AP3B1: variants seen among roughly 807,000 people sequenced by gnomAD.
The protein encoded by AP3B1 is adaptor related protein complex 3 subunit beta 1, also known as AP-3 complex subunit beta-1.
AP3B1 carries 61 observed loss-of-function variants against 132.5 expected under a neutral mutation model. The observed-to-expected ratio is 0.46, with a 90% CI of 0.37 to 0.57. AP3B1 has a LOEUF of 0.57. Ranked by LOEUF, AP3B1 falls within the 20% of genes least tolerant of loss-of-function variation. AP3B1 has a pLI of 0.00. For missense variants in AP3B1, 1,120 were observed against 1,289.4 expected, an observed-to-expected ratio of 0.87 and a Z score of 2.01; for synonymous variants, 388 against 438.3, an observed-to-expected ratio of 0.89 and a Z score of 1.43.
intron 1 of AP3B1, among the ~76,000 whole-genome samples, chr5:78,279,995 AC>A (rs1748982411): frequency 6.9e-6 from 1 of 145,572 alleles, no homozygotes; most frequent in African/African-American, 2.5e-5. Flanking sequence ...GGAGGATCAG[AC>A]CAGGAGGTTG....
At position 78,193,770 on chromosome 5, in the gene AP3B1, A is replaced by ATATTTT; in HGVS notation, c.787-12109_787-12108insAAAATA. Among the ~76,000 whole-genome samples, 267 of 67,162 alleles carry ATATTTT rather than the reference A, an allele frequency of 4.0e-3. 2 individuals are homozygous for ATATTTT. Among genetic ancestry groups the ATATTTT allele is most frequent in the African/African-American group, 0.013 (251 of 19,168 alleles). The allele number at this position is 67,162 out of a possible 152,430, so 44.1% of individuals were successfully genotyped here. The stretch of plus-strand genomic sequence containing the variant: ...TATATATATATATATATATATATAT[A>ATATTTT]TTTTTTTTTTAGACAGAGTCTCGCT... On this transcript the variant is annotated intron_variant, in intron 7 of 26. Coordinates refer to ENST00000255194, the MANE Select transcript of AP3B1 (RefSeq NM_003664.5).
intron 17 of AP3B1, among the ~76,000 whole-genome samples, chr5:78,116,639 A>G (rs1751844200): frequency 6.6e-6 from 1 of 152,110 alleles, no homozygotes; most frequent in Non-Finnish European, 1.5e-5. Flanking sequence ...AGAAAAGAAA[A>G]TATTTAGTGT....
chr5:78,218,809 T>C (rs1367758487), intron 6 of AP3B1, among the ~76,000 whole-genome samples: 1 of 152,106 alleles, frequency 6.6e-6, no homozygotes, highest in Admixed American at 6.6e-5. Context: ...AGTTGGCCAA[T>C]GCTGCCAAGA....
intron 12 of AP3B1, among the ~76,000 whole-genome samples, chr5:78,164,348 T>C (rs1234625379): frequency 6.6e-6 from 1 of 152,070 alleles, no homozygotes; most frequent in African/African-American, 2.4e-5. Context: ...TGATATTAAA[T>C]GAAAAGACTA....
At chr5:78,279,908 A>ATATATATATATGACTTAAATATC (rs1748976939) in intron 1 of AP3B1, among the ~76,000 whole-genome samples, 1 of 30,726 alleles carries the variant, frequency 3.3e-5, no homozygotes. Flanking sequence ...TATGACTTAA[A>ATATATATATATGACTTAAATATC]TATATATATA....
downstream of AP3B1, chr5:78,001,519 G>T (rs770989118): frequency 6.6e-6 from 1 of 152,138 alleles, no homozygotes. Context: ...TTCTCTTCCC[G>T]GAGATTCAGG....
intron 14 of AP3B1, among the ~76,000 whole-genome samples, chr5:78,145,989 C>G (rs1052599758): frequency 1.3e-5 from 2 of 152,122 alleles, no homozygotes; most frequent in Non-Finnish European, 2.9e-5. Context: ...ACTGGCTTTT[C>G]CTAAAATTGC....
chr5:78,125,418 C>T (rs1459268221), intron 17 of AP3B1, among the ~76,000 whole-genome samples: 1 of 151,932 alleles, frequency 6.6e-6, no homozygotes, highest in African/African-American at 2.4e-5. Flanking sequence ...AGGACTTGAC[C>T]ATGTAAGATC....
intron 11 of AP3B1, among the ~76,000 whole-genome samples, chr5:78,174,231 T>C (rs142639324): frequency 1.3e-5 from 2 of 152,330 alleles, no homozygotes; most frequent in African/African-American, 4.8e-5. Flanking sequence ...CTGTTGCTGG[T>C]GAGGAGCTGC....
At chr5:78,164,756 T>C (rs1447618616) in intron 12 of AP3B1, among the ~76,000 whole-genome samples, 1 of 152,166 alleles carries the variant, frequency 6.6e-6, no homozygotes, top group Non-Finnish European at 1.5e-5. Flanking sequence ...TATTCTACTA[T>C]TCCTGTAAAA....
Position 78,246,819 on chromosome 5 carries a change from T to C in AP3B1, c.205-5883A>G, listed in dbSNP as rs146394262. On this transcript the variant is annotated intron_variant, in intron 2 of 26. Coordinates refer to ENST00000255194, the MANE Select transcript of AP3B1 (RefSeq NM_003664.5). ...TACTGTTTTTCTCTACTCAATTTCA[T>C]TGATTTCTACTCTACCTTATTATTT... Among the ~76,000 whole-genome samples, 483 of 152,332 alleles carry C rather than the reference T, an allele frequency of 3.2e-3. 2 individuals carry two copies. Among genetic ancestry groups the C allele is most frequent in the African/African-American group, 0.011 (459 of 41,582 alleles).
chr5:78,231,665 C>T (rs956316097), intron 3 of AP3B1, among the ~76,000 whole-genome samples: 7 of 152,184 alleles, frequency 4.6e-5, no homozygotes, highest in Non-Finnish European at 8.8e-5. Context: ...ATCGTAATCA[C>T]CACCAGTTGT....
intron 18 of AP3B1, among the ~76,000 whole-genome samples, chr5:78,114,242 T>G (rs1323178371): frequency 6.6e-6 from 1 of 152,126 alleles, no homozygotes; most frequent in East Asian, 1.9e-4. Context: ...AAAAACTTTC[T>G]TTTAAAGAAT....
chr5:78,098,311 A>T (rs893589421), intron 21 of AP3B1, among the ~76,000 whole-genome samples: 26 of 151,646 alleles, frequency 1.7e-4, no homozygotes, highest in East Asian at 5.8e-4. Context: ...AAATAAAAAA[A>T]AAAAGCTTGT....
chr5:78,233,688 C>T (rs1746754589), intron 3 of AP3B1, among the ~76,000 whole-genome samples: 1 of 152,118 alleles, frequency 6.6e-6, no homozygotes, highest in Non-Finnish European at 1.5e-5. Context: ...TGTGTAAGGC[C>T]CTACATCTAC....
intron 7 of AP3B1, among the ~76,000 whole-genome samples, chr5:78,192,175 T>C (rs1220271243): frequency 1.3e-5 from 2 of 151,758 alleles, no homozygotes; most frequent in African/African-American, 4.8e-5. Flanking sequence ...TATATATTTC[T>C]ACTTCAACAA....
intron 19 of AP3B1, among the ~76,000 whole-genome samples, chr5:78,112,644 A>T (rs1751645705): frequency 6.6e-6 from 1 of 152,220 alleles, no homozygotes; most frequent in South Asian, 2.1e-4. Context: ...TCTCTCAAAG[A>T]CAAGGCTATT....
chr5:78,266,955 C>T (rs1748347849), intron 2 of AP3B1, among the ~76,000 whole-genome samples: 1 of 152,082 alleles, frequency 6.6e-6, no homozygotes, highest in Non-Finnish European at 1.5e-5. Context: ...TATATTATAT[C>T]TTTAATTCTC....
chr5:78,248,570 CCCCACTAG>C (rs903703071), intron 2 of AP3B1, among the ~76,000 whole-genome samples: 27 of 151,982 alleles, frequency 1.8e-4, no homozygotes, highest in Non-Finnish European at 2.8e-4. Flanking sequence ...ATTTCCACCT[CCCCACTAG>C]CTTTTATGTT....
Sources: allele counts gnomAD v4.1 joint callset (sites outside exome capture counted in the v4.1 genomes callset), GRCh38; gene constraint gnomAD v4.1.1; transcripts MANE v1.5; gene names NCBI Gene and HGNC (gene_info 2026-07-23, HGNC 2026-07-21).